The following SLC18A1 variants were observed in gnomAD, a reference collection of about 807,000 sequenced individuals.
The protein encoded by SLC18A1 is solute carrier family 18 member A1, also known as chromaffin granule amine transporter.
Under a neutral mutation model 53.7 loss-of-function variants are expected in SLC18A1, and 69 were observed. That is an observed-to-expected ratio of 1.28 (90% CI 1.06 to 1.57). The LOEUF (loss-of-function observed/expected upper bound fraction) is 1.57. Ranked by LOEUF, SLC18A1 falls within the 40% of genes most tolerant of loss-of-function variation. SLC18A1 has a pLI of 0.00. For missense variants in SLC18A1, 932 were observed against 668.1 expected, an observed-to-expected ratio of 1.40 and a Z score of -4.35; for synonymous variants, 320 against 248.1, an observed-to-expected ratio of 1.29 and a Z score of -2.72.
At chr8:20,152,107 C>T (rs1159549368) in intron 10 of SLC18A1, among the ~76,000 whole-genome samples, 2 of 151,976 alleles carry the variant, frequency 1.3e-5, no homozygotes. Context: ...CCTTAATAAC[C>T]AAAAGAGAGC....
chr8:20,159,504 G>A (rs1380458708), intron 10 of SLC18A1, among the ~76,000 whole-genome samples: 1 of 151,894 alleles, frequency 6.6e-6, no homozygotes. Context: ...TCTATCACCT[G>A]AGAGCACAGA....
chr8:20,171,284 G>T, intron 7 of SLC18A1, 121 bp downstream of exon 7: 3 of 1,301,802 alleles, frequency 2.3e-6, no homozygotes, highest in Non-Finnish European at 3.3e-6. Flanking sequence ...CAACGGGGCA[G>T]TCCTTGATCC....
Position 20,181,247 on chromosome 8 carries a change from G to A in SLC18A1, c.-123-160C>T, listed in dbSNP as rs139207104. ...ATCGCTTACTAGCTATTTATGTCTGGATTTATATCTAGCCATTAATTTCCC... is the reference window on the plus strand; with the variant it reads ...ATCGCTTACTAGCTATTTATGTCTGAATTTATATCTAGCCATTAATTTCCC... On this transcript the variant is annotated intron_variant, in intron 1 of 15. Transcript: ENST00000276373. Among the ~76,000 whole-genome samples, 516 of 152,156 alleles carry A rather than the reference G, an allele frequency of 3.4e-3. 2 individuals carry two copies. The highest frequency in any genetic ancestry group is 3.4e-3 in the Non-Finnish European group (234 of 68,012).
In SLC18A1 at chr8:20,181,186, A is replaced by C. The variant is rs1320018711; in HGVS notation, c.-123-99T>G. 5 of 386,160 alleles carry C rather than the reference A, an allele frequency of 1.3e-5. No individual in the cohort carries two copies. In the East Asian group the frequency reaches 1.4e-4, roughly 11 times the overall value. The allele number at this position is 386,160 out of a possible 1,614,324, so 23.9% of individuals were successfully genotyped here. A position where few individuals can be genotyped will look rare whatever the true frequency, so the allele number is the denominator to read the frequency against. On this transcript the variant is annotated intron_variant, in intron 1 of 15. Transcript: ENST00000276373. ...TGTTCACTTCTTATAAATCTCAATAACTCTACCTGGTTCCCAGAATGCCTT... is the reference window on the plus strand; with the variant it reads ...TGTTCACTTCTTATAAATCTCAATACCTCTACCTGGTTCCCAGAATGCCTT...
Position 20,156,799 on chromosome 8 carries a change from C to A in SLC18A1, c.1016-6055G>T, listed in dbSNP as rs543126595. Among the ~76,000 whole-genome samples the A allele has an allele frequency of 6.7e-4, 102 of 152,274 alleles. 1 individual carries two copies. Among genetic ancestry groups the A allele is most frequent in the South Asian group, 8.3e-4 (4 of 4,828 alleles). ...GGAAAAGGACAAATGCCCTAGTGGG[C>A]AAAAACTCTATCTCAATCCTGACTC... On this transcript the variant is annotated intron_variant, in intron 10 of 15. Transcript: ENST00000276373.
At chr8:20,166,632 G>C (rs760821684) in intron 8 of SLC18A1, among the ~76,000 whole-genome samples, 1 of 151,484 alleles carries the variant, frequency 6.6e-6, no homozygotes, top group Non-Finnish European at 1.5e-5. Flanking sequence ...ACACCTTTTG[G>C]AATAATTTTG....
At chr8:20,149,589 C>CTCTCT in intron 12 of SLC18A1, 87 bp downstream of exon 12, 2 of 790,170 alleles carry the variant, frequency 2.5e-6, no homozygotes, top group South Asian at 1.7e-5. Context: ...TCTCTCTCTC[C>CTCTCT]CTCTCTCTCT....
At position 20,148,557 on chromosome 8, in the gene SLC18A1, G is replaced by C. The variant is rs1021111150; in HGVS notation, c.1147-487C>G. 9 of 1,006,580 alleles carry C rather than the reference G, an allele frequency of 8.9e-6. No homozygotes were observed. The African/African-American group carries it at 1.5e-4, about 17-fold the overall frequency. The allele number at this position is 1,006,580 out of a possible 1,614,324, so 62.4% of individuals were successfully genotyped here. ...GATAGAGAAGAGGCCCCAACAACCA[G>C]TTAGCTGTAAGCTAGAGGGGGCAGG... On this transcript the variant is annotated intron_variant, in intron 12 of 15. Transcript: ENST00000276373.
intron 10 of SLC18A1, among the ~76,000 whole-genome samples, chr8:20,161,454 A>C (rs1194345606): frequency 6.6e-6 from 1 of 152,236 alleles, no homozygotes; most frequent in Non-Finnish European, 1.5e-5. Context: ...TAGGTGTTAC[A>C]AGTCATTGAG....
At chr8:20,164,165 T>C (rs1259652828) in intron 10 of SLC18A1, among the ~76,000 whole-genome samples, 4 of 152,164 alleles carry the variant, frequency 2.6e-5, no homozygotes, top group Non-Finnish European at 2.9e-5. Flanking sequence ...CTCTCCTCCC[T>C]GCAGTGATGG....
intron 10 of SLC18A1, among the ~76,000 whole-genome samples, chr8:20,159,395 G>T (rs997105502): frequency 6.6e-6 from 1 of 152,016 alleles, no homozygotes; most frequent in Non-Finnish European, 1.5e-5. Context: ...TAAACAAGGG[G>T]CTAGTAACTC....
chr8:20,165,362 C>T (rs765019145), intron 8 of SLC18A1, among the ~76,000 whole-genome samples: 3 of 152,056 alleles, frequency 2.0e-5, no homozygotes, highest in Non-Finnish European at 4.4e-5. Context: ...ATATTCCAGC[C>T]ATGGTTCCTG....
intron 3 of SLC18A1, 115 bp downstream of exon 3, chr8:20,179,006 C>T: frequency 7.8e-7 from 1 of 1,282,128 alleles, no homozygotes; most frequent in Non-Finnish European, 1.1e-6. Flanking sequence ...AGCTGACTCC[C>T]CTGAGGAATC....
chr8:20,175,630 G>A (rs2072234725), intron 4 of SLC18A1: 1 of 152,284 alleles, frequency 6.6e-6, no homozygotes, highest in African/African-American at 2.4e-5. Context: ...AAATCAGAGG[G>A]TGCTGGTGGT....
Position 20,156,072 on chromosome 8 carries a change from A to C in SLC18A1, c.1016-5328T>G, listed in dbSNP as rs186559820. Among the ~76,000 whole-genome samples the C allele has an allele frequency of 6.8e-3, 1,030 of 152,294 alleles. 16 individuals are homozygous for C. Among genetic ancestry groups the C allele is most frequent in the African/African-American group, 0.023 (953 of 41,560 alleles). On this transcript the variant is annotated intron_variant, in intron 10 of 15. Coordinates refer to ENST00000276373, the MANE Select transcript of SLC18A1 (RefSeq NM_003053.4). ...AGAACTGATGACCCAGTACTTTAAC[A>C]CTGGAACTGGGCCTGCGACAACATA...
At chr8:20,154,661 G>A (rs2071638243) in intron 10 of SLC18A1, among the ~76,000 whole-genome samples, 1 of 152,210 alleles carries the variant, frequency 6.6e-6, no homozygotes, top group South Asian at 2.1e-4. Context: ...TGAGGGCATA[G>A]GATGCTTGCT....
chr8:20,172,346 G>A (rs921455747), intron 6 of SLC18A1, among the ~76,000 whole-genome samples: 1 of 152,256 alleles, frequency 6.6e-6, no homozygotes, highest in Non-Finnish European at 1.5e-5. Flanking sequence ...GGGCTAGAGG[G>A]TGGGGCATAG....
chr8:20,169,228 T>C (rs1261351574), intron 8 of SLC18A1, among the ~76,000 whole-genome samples: 1 of 152,132 alleles, frequency 6.6e-6, no homozygotes, highest in East Asian at 1.9e-4. Flanking sequence ...CAAATGTCAA[T>C]GTCATGAAAG....
chr8:20,176,140 T>A (rs1421908376), intron 4 of SLC18A1, among the ~76,000 whole-genome samples: 1 of 151,928 alleles, frequency 6.6e-6, no homozygotes, highest in African/African-American at 2.4e-5. Context: ...CAGTGGAAGG[T>A]GTTTGGGTTA....
Sources: gnomAD v4.1 joint callset for allele counts (sites outside exome capture counted in the v4.1 genomes callset) on GRCh38, gnomAD v4.1.1 for gene constraint, MANE v1.5 for transcripts, NCBI Gene and HGNC (gene_info 2026-07-23, HGNC 2026-07-21) for gene names.